MAP3K4: variants seen among roughly 807,000 people sequenced by gnomAD.
MAP3K4 encodes mitogen-activated protein kinase kinase kinase 4.
MAP3K4 carries 67 observed loss-of-function variants against 185.6 expected under a neutral mutation model. The ratio of observed to expected loss-of-function variants is 0.36; its 90% CI spans 0.30 to 0.44. The LOEUF is 0.44. Ranked by LOEUF, MAP3K4 falls within the 20% of genes least tolerant of loss-of-function variation. MAP3K4 has a pLI of 1.00. For missense variants in MAP3K4, 1,551 were observed against 1,995.1 expected (o/e 0.78, Z 4.24); for synonymous variants, 702 against 710.4 (o/e 0.99, Z 0.19).
At position 161,086,275 on chromosome 6, in the gene MAP3K4, T is replaced by C. The variant is rs754829617; in HGVS notation, c.2373-104T>C. ...ATTTAAAAAATCCTCAGTCTTTATTTATTACTGTGATTTGGAATTTGCTTC... is the reference window on the plus strand; with the variant it reads ...ATTTAAAAAATCCTCAGTCTTTATTCATTACTGTGATTTGGAATTTGCTTC... On this transcript the variant is annotated intron_variant, in intron 7 of 26. Transcript: ENST00000392142. This position sits in a 1 kb window ranked among gnomAD's most constrained non-coding sequence, Gnocchi z 4.8. The C allele has an allele frequency of 4.8e-6, 3 of 622,052 alleles. No individual in the cohort carries two copies. The Admixed American group carries it at 9.4e-5, about 20-fold the overall frequency. 38.5% of individuals were successfully genotyped at this position (622,052 alleles called of 1,614,324 possible).
Position 161,112,780 on chromosome 6 carries a change from C to A in MAP3K4, c.4626+6C>A. On this transcript the variant is annotated splice_donor_region_variant and intron_variant, in intron 25 of 26. Coordinates refer to ENST00000392142, the MANE Select transcript of MAP3K4 (RefSeq NM_005922.4). This position sits in a 1 kb window ranked among gnomAD's most constrained non-coding sequence, Gnocchi z 5.1. ...TAGAGATGGTGACTGGCAAGGTAAG[C>A]GGAGCCCCCACACCTGGCGGAGCAA... The A allele has an allele frequency of 1.3e-6, 2 of 1,577,342 alleles. No individual in the cohort carries two copies. Among genetic ancestry groups the A allele is most frequent in the Non-Finnish European group, 8.6e-7 (1 of 1,163,488 alleles).
At chr6:161,015,970 TTTTC>T (rs1269987852) in intron 1 of MAP3K4, among the ~76,000 whole-genome samples, 1 of 152,198 alleles carries the variant, frequency 6.6e-6, no homozygotes. Context: ...CACTGGATTG[TTTTC>T]ACCTTTTGGT....
chr6:161,034,513 C>A lies in MAP3K4; in HGVS notation c.343+64C>A. 1.5e-6 allele frequency: 2 copies of A among 1,299,950 alleles called. No homozygotes were observed. Among genetic ancestry groups the A allele is most frequent in the Non-Finnish European group, 2.1e-6 (2 of 946,622 alleles). 80.5% of individuals were successfully genotyped at this position (1,299,950 alleles called of 1,614,324 possible). On this transcript the variant is annotated intron_variant, in intron 2 of 26. Coordinates refer to ENST00000392142, the MANE Select transcript of MAP3K4 (RefSeq NM_005922.4). The surrounding 1 kb of genome is among the most constrained non-coding windows in gnomAD (Gnocchi z 4.4). ...TATGGCACTTGATTGATTCTTTCAA[C>A]AATAAAGTTAGCAATTTCTTTTATT...
chr6:161,098,426 A>G lies in MAP3K4; in HGVS notation c.3673A>G (p.Arg1225Gly). 1.9e-6 allele frequency: 3 copies of G among 1,612,502 alleles called. No individual in the cohort carries two copies. The highest frequency in any genetic ancestry group is 2.5e-6 in the Non-Finnish European group (3 of 1,179,066). Reference sequence around the variant, plus strand: ...ATCCATCAGCAGTGCCCATGATACCAGGTAGTCTCACCCCACCAGTGTCCC... The same window carrying G: ...ATCCATCAGCAGTGCCCATGATACCGGGTAGTCTCACCCCACCAGTGTCCC... ...PKSISSAHDTRGSSVPENDRL... is the reference protein window; with the variant it reads ...PKSISSAHDTGGSSVPENDRL... Residue 1225 changes from arginine (R) to glycine (G), a missense_variant and splice_region_variant, in exon 17 of 27, where the codon AGG becomes GGG. Physicochemically the swap from Arg to Gly is moderately radical, Grantham distance 125 (BLOSUM62 -2). Around this residue, in one of 16 missense-constraint regions of MAP3K4, gnomAD observed 272 missense variants for 301.2 expected, o/e 0.90. Transcript: ENST00000392142. The surrounding 1 kb of genome is among the most constrained non-coding windows in gnomAD (Gnocchi z 4.4).
chr6:161,032,263 A>G (rs766016633), intron 1 of MAP3K4, among the ~76,000 whole-genome samples: 12 of 152,094 alleles, frequency 7.9e-5, no homozygotes, highest in Non-Finnish European at 1.0e-4. Flanking sequence ...ACCATGCTCA[A>G]CTCCTAGGTG....
rs1216197529 is a variant in MAP3K4, at chr6:161,007,141, A to T, written c.152+15058A>T. On this transcript the variant is annotated intron_variant, in intron 1 of 26. Coordinates refer to ENST00000392142, the MANE Select transcript of MAP3K4 (RefSeq NM_005922.4). The surrounding 1 kb of genome is among the most constrained non-coding windows in gnomAD (Gnocchi z 4.5). ...GTTGTGTCCCCAGGTCACAGACCAG[A>T]AACAAGGCACAGGGGAACCCAGAGG... Among the ~76,000 whole-genome samples, 1 of 152,196 alleles carries T rather than the reference A, an allele frequency of 6.6e-6. No individual in the cohort carries two copies. The highest frequency in any genetic ancestry group is 6.5e-5 in the Admixed American group (1 of 15,292).
rs1471131568 is a variant in MAP3K4, at chr6:161,077,697, G to A, written c.2098-3184G>A. ...CAAAGGAAACGTAGGCAGTGAAATG[G>A]CAGGACTCGGGTGGATCAAATGTGA... On this transcript the variant is annotated intron_variant, in intron 5 of 26. Coordinates refer to ENST00000392142, the MANE Select transcript of MAP3K4 (RefSeq NM_005922.4). This position sits in a 1 kb window ranked among gnomAD's most constrained non-coding sequence, Gnocchi z 4.3. Among the ~76,000 whole-genome samples, 1 of 152,192 alleles carries A rather than the reference G, an allele frequency of 6.6e-6. No individual in the cohort carries two copies. Among genetic ancestry groups the A allele is most frequent in the Non-Finnish European group, 1.5e-5 (1 of 68,040 alleles).
In MAP3K4 at chr6:161,073,444, A is replaced by G; in HGVS notation, c.1951-22A>G. ...CTGGTTGGAGTTTATGGCTGCTGGAACCTGTGTGTGTTGTTTTGCAGCTGG... is the reference window on the plus strand; with the variant it reads ...CTGGTTGGAGTTTATGGCTGCTGGAGCCTGTGTGTGTTGTTTTGCAGCTGG... On this transcript the variant is annotated intron_variant, in intron 4 of 26. Coordinates refer to ENST00000392142, the MANE Select transcript of MAP3K4 (RefSeq NM_005922.4). The surrounding 1 kb of genome is among the most constrained non-coding windows in gnomAD (Gnocchi z 4.2). 6.4e-7 allele frequency: 1 copy of G among 1,554,166 alleles called. No individual in the cohort carries two copies. Among genetic ancestry groups the G allele is most frequent in the Non-Finnish European group, 8.7e-7 (1 of 1,149,202 alleles).
chr6:161,111,358 T>C (rs1778341353), intron 23 of MAP3K4, among the ~76,000 whole-genome samples: 1 of 152,242 alleles, frequency 6.6e-6, no homozygotes, highest in African/African-American at 2.4e-5. Flanking sequence ...GTAGGAATAT[T>C]TGAAAATTGC....
chr6:161,011,823 T>C (rs1781853907), intron 1 of MAP3K4, among the ~76,000 whole-genome samples: 1 of 152,202 alleles, frequency 6.6e-6, no homozygotes, highest in Non-Finnish European at 1.5e-5. Context: ...AGTAGCTCAC[T>C]GCTGCAGTCC....
At chr6:161,102,303 T>C (rs769544972) in intron 18 of MAP3K4, among the ~76,000 whole-genome samples, 1 of 152,220 alleles carries the variant, frequency 6.6e-6, no homozygotes, top group Admixed American at 6.5e-5. Flanking sequence ...AATACAAAAG[T>C]GACACTGTGT....
chr6:161,015,367 A>G lies in MAP3K4; in HGVS notation c.153-18892A>G, dbSNP rs192262092. Among the ~76,000 whole-genome samples, 408 of 152,204 alleles carry G rather than the reference A, an allele frequency of 2.7e-3. 1 individual carries two copies. The highest frequency in any genetic ancestry group is 9.5e-3 in the African/African-American group (395 of 41,520). On this transcript the variant is annotated intron_variant, in intron 1 of 26. Transcript: ENST00000392142. Reference sequence around the variant, plus strand: ...CTCATTGATGCTGGACTTACTACCTAGGTGATGGGTCGATCTGTGCAGCAA... The same window carrying G: ...CTCATTGATGCTGGACTTACTACCTGGGTGATGGGTCGATCTGTGCAGCAA...
rs1383966829 is a variant in MAP3K4 at position 160,996,313 on chromosome 6, T to G, written c.152+4230T>G. ...ATGTTTTCAACTGGGGACTTGTCAC[T>G]TAGGAGGACTTTGTAGTTCCCTTTA... On this transcript the variant is annotated intron_variant, in intron 1 of 26. Coordinates refer to ENST00000392142, the MANE Select transcript of MAP3K4 (RefSeq NM_005922.4). This position sits in a 1 kb window ranked among gnomAD's most constrained non-coding sequence, Gnocchi z 4.5. Among the ~76,000 whole-genome samples, 1 of 152,212 alleles carries G rather than the reference T, an allele frequency of 6.6e-6. No individual in the cohort carries two copies. The highest frequency in any genetic ancestry group is 1.5e-5 in the Non-Finnish European group (1 of 68,028).
chr6:161,045,828 G>C (rs781597026), intron 2 of MAP3K4, among the ~76,000 whole-genome samples: 3 of 152,046 alleles, frequency 2.0e-5, no homozygotes, highest in Non-Finnish European at 4.4e-5. Context: ...CAACAAGATT[G>C]TTTTTTATTT....
chr6:161,064,999 G>A lies in MAP3K4; in HGVS notation c.1708-5609G>A, dbSNP rs1476684108. 1.3e-5 allele frequency among the ~76,000 whole-genome samples: 2 copies of A among 152,168 alleles called. No individual in the cohort carries two copies. The highest frequency in any genetic ancestry group is 4.8e-5 in the African/African-American group (2 of 41,444). The stretch of plus-strand genomic sequence containing the variant: ...GCAGGCACAAATTCCAGGAGGTCAC[G>A]CTGTTACAGAGGTAGTCACAGTGCT... On this transcript the variant is annotated intron_variant, in intron 3 of 26. Coordinates refer to ENST00000392142, the MANE Select transcript of MAP3K4 (RefSeq NM_005922.4). This position sits in a 1 kb window ranked among gnomAD's most constrained non-coding sequence, Gnocchi z 4.3.
Position 161,011,176 on chromosome 6 carries a change from G to A in MAP3K4, c.152+19093G>A, listed in dbSNP as rs77011055. Among the ~76,000 whole-genome samples, 1,309 of 151,846 alleles carry A rather than the reference G, an allele frequency of 8.6e-3. 16 individuals are homozygous for A. The highest frequency in any genetic ancestry group is 0.03 in the African/African-American group (1,252 of 41,416). On this transcript the variant is annotated intron_variant, in intron 1 of 26. Transcript: ENST00000392142. ...GTCCTAATAGGCCCATGAGAGGGAA[G>A]TCTAATGAAGAATTTGAAAGTAAAA...
chr6:161,109,367 C>G lies in MAP3K4; in HGVS notation c.4237-388C>G, dbSNP rs1778246470. ...CTTCCAGGGGAAGTTGGAAATGGAT[C>G]ATTTTTAATGTTTTTACAAATTATG... On this transcript the variant is annotated intron_variant, in intron 22 of 26. Transcript: ENST00000392142. The surrounding 1 kb of genome is among the most constrained non-coding windows in gnomAD (Gnocchi z 5.7). Among the ~76,000 whole-genome samples the G allele has an allele frequency of 6.6e-6, 1 of 152,136 alleles. No homozygotes were observed.
rs946535455 is a variant in MAP3K4, at chr6:161,073,360, G to A, written c.1951-106G>A. The A allele has an allele frequency of 4.4e-6, 5 of 1,133,124 alleles. No individual in the cohort carries two copies. Among genetic ancestry groups the A allele is most frequent in the Non-Finnish European group, 6.0e-6 (5 of 828,358 alleles). 70.2% of individuals were successfully genotyped at this position (1,133,124 alleles called of 1,614,324 possible). ...AGAAACTATTGTAGGTTTTTTAGAG[G>A]CAAGGTTCCCTCTGAGTTTTTTGAA... On this transcript the variant is annotated intron_variant, in intron 4 of 26. Coordinates refer to ENST00000392142, the MANE Select transcript of MAP3K4 (RefSeq NM_005922.4). This position sits in a 1 kb window ranked among gnomAD's most constrained non-coding sequence, Gnocchi z 4.2.
At chr6:161,081,560 C>T (rs1195443108) in intron 6 of MAP3K4, among the ~76,000 whole-genome samples, 1 of 152,142 alleles carries the variant, frequency 6.6e-6, no homozygotes, top group Admixed American at 6.5e-5. Flanking sequence ...ATCACAGACT[C>T]TCTTTATGAA....
Sources: gnomAD v4.1 joint callset for allele counts (sites outside exome capture counted in the v4.1 genomes callset) on GRCh38, gnomAD v4.1.1 for gene constraint, gnomAD v4.1.1 regional missense constraint, Gnocchi (gnomAD v3.1) non-coding constraint, MANE v1.5 for transcripts, NCBI Gene and HGNC (gene_info 2026-07-23, HGNC 2026-07-21) for gene names.